PLB1: variants seen among roughly 807,000 people sequenced by gnomAD.
PLB1 encodes phospholipase B1.
Under a neutral mutation model 227.4 loss-of-function variants are expected in PLB1, and 242 were observed. That is an observed-to-expected ratio of 1.06 (90% CI 0.96 to 1.18). The LOEUF is 1.18. Among genes scored for constraint, PLB1 ranks in the 50% most tolerant of loss-of-function variants. The pLI is 0.00. For missense variants in PLB1, 1,858 were observed against 1,816.3 expected (o/e 1.02, Z -0.42); for synonymous variants, 757 against 682.2 (o/e 1.11, Z -1.71).
intron 56 of PLB1, among the ~76,000 whole-genome samples, chr2:28,635,993 GTGTATGTATGTGTA>G (rs1275423190): frequency 1.3e-5 from 2 of 150,668 alleles, no homozygotes; most frequent in African/African-American, 4.9e-5. Flanking sequence ...TTGTGTATGT[GTGTATGTATGTGTA>G]TGTATGTATG....
At chr2:28,581,535 A>T (rs1481638076) in intron 23 of PLB1, among the ~76,000 whole-genome samples, 1 of 134,188 alleles carries the variant, frequency 7.5e-6, no homozygotes, top group Non-Finnish European at 1.6e-5. Context: ...ATAAATAAAT[A>T]AAATTAAAAA....
At chr2:28,577,176 G>T (rs540597883) in intron 21 of PLB1, among the ~76,000 whole-genome samples, 1 of 152,314 alleles carries the variant, frequency 6.6e-6, no homozygotes, top group South Asian at 2.1e-4. Flanking sequence ...GTCGGCCAAG[G>T]TCTCAGAGCT....
chr2:28,524,168 G>A (rs1250457998), intron 4 of PLB1, among the ~76,000 whole-genome samples: 1 of 152,206 alleles, frequency 6.6e-6, no homozygotes, highest in African/African-American at 2.4e-5. Context: ...AGTGGTGCAG[G>A]CTGGAGTAGG....
At chr2:28,606,754 C>T (rs935961244) in intron 43 of PLB1, among the ~76,000 whole-genome samples, 187 bp downstream of exon 43, 1 of 152,170 alleles carries the variant, frequency 6.6e-6, no homozygotes, top group African/African-American at 2.4e-5. Flanking sequence ...GACAAGAGTG[C>T]AGCTGTCATT....
rs748807819 is a variant in PLB1 at position 28,632,137 on chromosome 2, C to A, written c.3999C>A (p.Asn1333Lys). The change falls in exon 55 of 58, where the codon AAC becomes AAA. Residue 1333 changes from asparagine (N) to lysine (K), a missense_variant. By Grantham distance (94) the Asn-to-Lys change is moderately conservative (BLOSUM62 0). Coordinates refer to ENST00000327757, the MANE Select transcript of PLB1 (RefSeq NM_153021.5). ...TCCAAAACACACTCACCCCACTGAACGAGGTGAGCTGCAGGTATTTTAGGG... is the reference window on the plus strand; with the variant it reads ...TCCAAAACACACTCACCCCACTGAAAGAGGTGAGCTGCAGGTATTTTAGGG... Reference protein sequence around the residue: ...PFFQNTLTPLNERGDTDLTFF... With the variant: ...PFFQNTLTPLKERGDTDLTFF... 6.2e-7 allele frequency: 1 copy of A among 1,611,214 alleles called. No homozygotes were observed. The highest frequency in any genetic ancestry group is 1.1e-5 in the South Asian group (1 of 91,006).
chr2:28,550,637 T>A (rs1674094905), intron 16 of PLB1, among the ~76,000 whole-genome samples: 1 of 149,620 alleles, frequency 6.7e-6, no homozygotes. Flanking sequence ...GCCTCCTGGG[T>A]TCAAGCGATT....
chr2:28,515,785 T>C (rs1329189216), intron 1 of PLB1, among the ~76,000 whole-genome samples: 5 of 152,148 alleles, frequency 3.3e-5, no homozygotes, highest in Non-Finnish European at 5.9e-5. Context: ...GGGCAGGCAT[T>C]GGGTGGGGAG....
intron 44 of PLB1, among the ~76,000 whole-genome samples, chr2:28,615,022 GC>G (rs1027066526): frequency 6.6e-6 from 1 of 152,168 alleles, no homozygotes; most frequent in African/African-American, 2.4e-5. Flanking sequence ...TGGGGCTGGG[GC>G]AAGGGAGGCA....
chr2:28,598,312 G>T (rs1191471801), intron 34 of PLB1, among the ~76,000 whole-genome samples: 3 of 152,206 alleles, frequency 2.0e-5, no homozygotes, highest in Admixed American at 1.3e-4. Flanking sequence ...GTGACCTAGG[G>T]CAAGTTACCC....
intron 6 of PLB1, among the ~76,000 whole-genome samples, chr2:28,526,791 A>AGTGAATTGAAAGGAGGGGCCC: frequency 6.6e-6 from 1 of 152,354 alleles, no homozygotes; most frequent in South Asian, 2.1e-4. Flanking sequence ...CAATTCAGCC[A>AGTGAATTGAAAGGAGGGGCCC]GTGAATTGAA....
At chr2:28,533,297 C>G (rs1671262968) in intron 9 of PLB1, among the ~76,000 whole-genome samples, 1 of 152,200 alleles carries the variant, frequency 6.6e-6, no homozygotes, top group African/African-American at 2.4e-5. Flanking sequence ...TTCCTGTAGC[C>G]TTCCTGGGTT....
intron 37 of PLB1, 88 bp downstream of exon 37, chr2:28,601,420 C>A: frequency 9.3e-7 from 1 of 1,077,416 alleles, no homozygotes; most frequent in Non-Finnish European, 1.4e-6. Flanking sequence ...GTTCCTAAAA[C>A]CAATCCTAGG....
At chr2:28,622,348 T>C (rs934281079) in intron 49 of PLB1, among the ~76,000 whole-genome samples, 3 of 152,156 alleles carry the variant, frequency 2.0e-5, no homozygotes, top group Non-Finnish European at 4.4e-5. Context: ...TCTTCAGCAA[T>C]AAATAGGGAT....
Position 28,640,965 on chromosome 2 carries a change from C to T in PLB1, c.4137C>T (p.Phe1379=). 1 of 1,613,934 alleles carries T rather than the reference C, an allele frequency of 6.2e-7. No individual in the cohort carries two copies. The highest frequency in any genetic ancestry group is 8.5e-7 in the Non-Finnish European group (1 of 1,179,890). Residue 1379 remains phenylalanine (F), a synonymous_variant, in exon 57 of 58, where the codon TTC becomes TTT. Transcript: ENST00000327757. ...GCCGCAAGACTACCTCCAACAACTTCACCCACAGCCGAGCCAAACTCAAGT... is the reference window on the plus strand; with the variant it reads ...GCCGCAAGACTACCTCCAACAACTTTACCCACAGCCGAGCCAAACTCAAGT... The part of the protein sequence containing the change: ...PVGRKTTSNN[F]THSRAKLKCP...
rs530174467 is a variant in PLB1 at position 28,627,094 on chromosome 2, C to T, written c.3660+586C>T. On this transcript the variant is annotated intron_variant, in intron 51 of 57. Coordinates refer to ENST00000327757, the MANE Select transcript of PLB1 (RefSeq NM_153021.5). ...TATTTGGCCGGGAAAAGGCAGCTGC[C>T]CAGCCTCAGAGATTGTGGTCGAATG... Among the ~76,000 whole-genome samples the T allele has an allele frequency of 7.2e-5, 11 of 152,228 alleles. No individual in the cohort carries two copies. In the South Asian group the frequency reaches 1.2e-3, roughly 17 times the overall value.
At chr2:28,582,621 C>T (rs1362968741) in intron 25 of PLB1, 116 bp downstream of exon 25, 2 of 762,636 alleles carry the variant, frequency 2.6e-6, no homozygotes, top group East Asian at 2.7e-5. Context: ...GCTGTGACCA[C>T]CCCATCTTCT....
chr2:28,605,867 T>TACGTCCTTCTTTGCCCCAGAC lies in PLB1; in HGVS notation c.2977_2997dup (p.Thr993_Asp999dup). Reference sequence around the variant, plus strand: ...GTCTCTTTCAGGATGGGCTCCCAGATACGTCCTTCTTTGCCCCAGACTGCA... The same window carrying TACGTCCTTCTTTGCCCCAGAC: ...GTCTCTTTCAGGATGGGCTCCCAGATACGTCCTTCTTTGCCCCAGACACGTCCTTCTTTGCCCCAGACTGCA... On this transcript the variant is annotated inframe_insertion, in exon 42 of 58. Coordinates refer to ENST00000327757, the MANE Select transcript of PLB1 (RefSeq NM_153021.5). 6.2e-7 allele frequency: 1 copy of TACGTCCTTCTTTGCCCCAGAC among 1,613,608 alleles called. No individual in the cohort carries two copies. The highest frequency in any genetic ancestry group is 8.5e-7 in the Non-Finnish European group (1 of 1,179,534).
chr2:28,630,533 G>A lies in PLB1; in HGVS notation c.3819-53G>A, dbSNP rs1688462764. On this transcript the variant is annotated intron_variant, in intron 53 of 57. Transcript: ENST00000327757. Reference sequence around the variant, plus strand: ...TGTGTCAGAGCCAGCCTCCCAGGAGGACAGAGCCACAGTGCCCCAGGCAGC... The same window carrying A: ...TGTGTCAGAGCCAGCCTCCCAGGAGAACAGAGCCACAGTGCCCCAGGCAGC... The A allele has an allele frequency of 2.0e-6, 3 of 1,520,146 alleles. No individual in the cohort carries two copies. The Admixed American group carries it at 5.1e-5, about 26-fold the overall frequency. The allele number at this position is 1,520,146 out of a possible 1,614,324, so 94.2% of individuals were successfully genotyped here. A position where few individuals can be genotyped will look rare whatever the true frequency, so the allele number is the denominator to read the frequency against.
intron 44 of PLB1, among the ~76,000 whole-genome samples, chr2:28,616,137 G>C (rs922586978): frequency 5.9e-5 from 9 of 152,218 alleles, no homozygotes; most frequent in African/African-American, 2.2e-4. Context: ...AGCTATATAG[G>C]AAGGAGAATT....
Sources: gnomAD v4.1 joint callset for allele counts (sites outside exome capture counted in the v4.1 genomes callset) on GRCh38, gnomAD v4.1.1 for gene constraint, MANE v1.5 for transcripts, NCBI Gene and HGNC (gene_info 2026-07-23, HGNC 2026-07-21) for gene names.